YAF2: variants seen among roughly 807,000 people sequenced by gnomAD.
YAF2 encodes YY1-associated factor 2.
YAF2 carries 7 observed loss-of-function variants against 20.1 expected under a neutral mutation model. The ratio of observed to expected loss-of-function variants is 0.35; its 90% confidence interval spans 0.20 to 0.65. YAF2 has a LOEUF of 0.65. Ranked by LOEUF, YAF2 falls within the 30% of genes least tolerant of loss-of-function variation. The probability of loss-of-function intolerance (pLI) is 0.69; values close to 1 mark genes in which losing one functional copy is unlikely to be tolerated. For synonymous variants in YAF2, 74 were observed against 76.0 expected (o/e 0.97, Z 0.14); for missense variants, 151 against 219.2 (o/e 0.69, Z 1.96).
At chr12:42,232,579 T>A in intron 2 of YAF2, 1 of 985,388 alleles carries the variant, frequency 1.0e-6, no homozygotes, top group Middle Eastern at 5.2e-4. Context: ...GCTCCTCAGA[T>A]AGACAGGAGG....
chr12:42,165,061 C>CAAAAAAAA (rs78729667), intron 2 of YAF2, among the ~76,000 whole-genome samples: 1 of 64,776 alleles, frequency 1.5e-5, no homozygotes, highest in African/African-American at 5.5e-5. Context: ...TCTTCTGGAA[C>CAAAAAAAA]AAAAAAAAAA....
chr12:42,224,578 C>G (rs536854750), intron 2 of YAF2, among the ~76,000 whole-genome samples: 1 of 151,742 alleles, frequency 6.6e-6, no homozygotes, highest in East Asian at 1.9e-4. Flanking sequence ...CTCCCTGTGT[C>G]CATGTGTTCT....
intron 2 of YAF2, chr12:42,172,006 C>G (rs116814812): frequency 1.3e-5 from 2 of 152,098 alleles, no homozygotes; most frequent in African/African-American, 4.8e-5. Flanking sequence ...GGCTCCTCAA[C>G]AAACCAGCCT....
intron 2 of YAF2, chr12:42,234,994 GAAAA>G: frequency 1.0e-6 from 1 of 984,452 alleles, no homozygotes; most frequent in Non-Finnish European, 1.2e-6. Flanking sequence ...TCTCAAAAAA[GAAAA>G]AAGAAAAAAA....
chr12:42,230,253 CAAGAAAGAA>C (rs1369823136), intron 2 of YAF2, among the ~76,000 whole-genome samples: 6 of 147,250 alleles, frequency 4.1e-5, no homozygotes, highest in Non-Finnish European at 7.4e-5. Flanking sequence ...AAGACTCCTT[CAAGAAAGAA>C]AAGAAAGAGA....
rs182421907 is a variant in YAF2 at position 42,178,909 on chromosome 12, C to T, written c.153-17144G>A. Among the ~76,000 whole-genome samples, 382 of 152,112 alleles carry T rather than the reference C, an allele frequency of 2.5e-3. 1 individual carries two copies. The highest frequency in any genetic ancestry group is 3.9e-3 in the Non-Finnish European group (264 of 67,988). The stretch of plus-strand genomic sequence containing the variant: ...TTTAAAAAAAAAATACCCCTTTAGC[C>T]AGGTGTGGTGGTGCGTGCCTGTAGT... On this transcript the variant is annotated intron_variant, in intron 2 of 3. Transcript: ENST00000534854.
chr12:42,163,062 C>T (rs1180545287), intron 2 of YAF2, among the ~76,000 whole-genome samples: 1 of 152,048 alleles, frequency 6.6e-6, no homozygotes, highest in Non-Finnish European at 1.5e-5. Flanking sequence ...TTGCTTAGCC[C>T]TACCCCGCAG....
At chr12:42,237,304 G>T (rs2068196795) in intron 2 of YAF2, 4 of 716,184 alleles carry the variant, frequency 5.6e-6, no homozygotes, top group Non-Finnish European at 7.1e-6. Flanking sequence ...TACCCAGAAT[G>T]GGGAGAGGGG....
intron 2 of YAF2, among the ~76,000 whole-genome samples, chr12:42,204,093 AT>A (rs1308915359): frequency 6.6e-6 from 1 of 151,620 alleles, no homozygotes; most frequent in Non-Finnish European, 1.5e-5. Context: ...ACAAAAAAAA[AT>A]CTATCCCTTC....
At chr12:42,221,113 C>A (rs1431795736) in intron 2 of YAF2, among the ~76,000 whole-genome samples, 1 of 152,092 alleles carries the variant, frequency 6.6e-6, no homozygotes, top group Admixed American at 6.6e-5. Flanking sequence ...AGATTTTTAA[C>A]ATTTAGTTCT....
chr12:42,168,609 G>A (rs2065970919), intron 2 of YAF2, among the ~76,000 whole-genome samples: 1 of 151,932 alleles, frequency 6.6e-6, no homozygotes, highest in Middle Eastern at 3.4e-3. Context: ...ACTCTAACCT[G>A]GTATTTAGCT....
In YAF2 at chr12:42,159,009, T is replaced by C. The variant is rs1303186455; in HGVS notation, c.*1580A>G. The C allele has an allele frequency of 6.6e-6, 1 of 152,170 alleles. No individual in the cohort carries two copies. The highest frequency in any genetic ancestry group is 1.5e-5 in the Non-Finnish European group (1 of 68,016). 9.4% of individuals were successfully genotyped at this position (152,170 alleles called of 1,614,324 possible). ...ATCTTATAATAAACACAAATTTTAA[T>C]TTTTCATTTAACAACACTAAAGAAT... On this transcript the variant is annotated 3_prime_UTR_variant, in exon 4 of 4. Coordinates refer to ENST00000534854, the MANE Select transcript of YAF2 (RefSeq NM_005748.6).
intron 2 of YAF2, among the ~76,000 whole-genome samples, chr12:42,179,129 C>T (rs557835301): frequency 6.6e-6 from 1 of 152,250 alleles, no homozygotes; most frequent in South Asian, 2.1e-4. Context: ...GGGATAGAGC[C>T]CAGTATCCTC....
At chr12:42,163,726 G>A (rs1280124169) in intron 2 of YAF2, among the ~76,000 whole-genome samples, 1 of 152,142 alleles carries the variant, frequency 6.6e-6, no homozygotes, top group Non-Finnish European at 1.5e-5. Flanking sequence ...AAACATAAAT[G>A]TATATAGTTC....
At chr12:42,161,084 C>A in intron 3 of YAF2, 3 of 423,664 alleles carry the variant, frequency 7.1e-6, no homozygotes, top group South Asian at 3.6e-5. Context: ...ATAGCTGTAT[C>A]ATAATTTTGC....
At chr12:42,221,868 C>G (rs781217933) in intron 2 of YAF2, among the ~76,000 whole-genome samples, 7 of 152,200 alleles carry the variant, frequency 4.6e-5, no homozygotes, top group Admixed American at 1.3e-4. Context: ...TACTTACAAT[C>G]TCTCAAGATC....
chr12:42,238,119 C>T, intron 1 of YAF2, 36 bp downstream of exon 1: 3 of 1,492,700 alleles, frequency 2.0e-6, no homozygotes, highest in South Asian at 2.6e-5. Flanking sequence ...CCCTGCCGCC[C>T]GCACAGTCCG....
chr12:42,221,267 G>A lies in YAF2; in HGVS notation c.152+16332C>T, dbSNP rs940005457. On this transcript the variant is annotated intron_variant, in intron 2 of 3. Coordinates refer to ENST00000534854, the MANE Select transcript of YAF2 (RefSeq NM_005748.6). ...GCAAATTTAATTAAATGCTACCACA[G>A]CAAGGTTATAAAATGGGACTGGAGG... Among the ~76,000 whole-genome samples the A allele has an allele frequency of 5.3e-5, 8 of 152,246 alleles. 1 individual carries two copies. Among genetic ancestry groups the A allele is most frequent in the Admixed American group, 1.3e-4 (2 of 15,284 alleles).
At chr12:42,232,917 A>G in intron 2 of YAF2, 1 of 985,412 alleles carries the variant, frequency 1.0e-6, no homozygotes, top group African/African-American at 1.7e-5. Context: ...TCTTCAGCCT[A>G]CACATAAAGG....
Sources: allele counts gnomAD v4.1 joint callset (sites outside exome capture counted in the v4.1 genomes callset), GRCh38; gene constraint gnomAD v4.1.1; transcripts MANE v1.5; gene names NCBI Gene and HGNC (gene_info 2026-07-23, HGNC 2026-07-21).